The following KIF1A variants were observed in gnomAD, a reference collection of about 807,000 sequenced individuals.
KIF1A encodes the protein kinesin family member 1A.
KIF1A carries 46 observed loss-of-function variants against 227.3 expected under a neutral mutation model. The observed-to-expected ratio is 0.20, with a 90% CI of 0.16 to 0.26. The LOEUF (loss-of-function observed/expected upper bound fraction) is 0.26. Ranked by LOEUF, KIF1A falls within the 10% of genes least tolerant of loss-of-function variation. The probability of loss-of-function intolerance (pLI) is 1.00; values close to 1 mark genes in which losing one functional copy is unlikely to be tolerated. For missense variants in KIF1A, 1,683 were observed against 2,485.9 expected, an observed-to-expected ratio of 0.68 and a Z score of 6.87; for synonymous variants, 1,022 against 1,012.8, an observed-to-expected ratio of 1.01 and a Z score of -0.17.
chr2:240,782,557 G>A (rs1372038720), intron 10 of KIF1A, 33 bp downstream of exon 10: 4 of 1,550,140 alleles, frequency 2.6e-6, no homozygotes, highest in South Asian at 2.4e-5. Context: ...CCAGCCTCCC[G>A]CACCTGCCCC....
chr2:240,780,491 A>G (rs2053510970), intron 10 of KIF1A, among the ~76,000 whole-genome samples: 1 of 151,920 alleles, frequency 6.6e-6, no homozygotes, highest in Admixed American at 6.6e-5. Flanking sequence ...TTCCCCACGC[A>G]ATTCCTCACA....
chr2:240,817,210 G>A (rs1433971313), intron 1 of KIF1A, among the ~76,000 whole-genome samples: 2 of 152,226 alleles, frequency 1.3e-5, no homozygotes, highest in Admixed American at 1.3e-4. Context: ...CTGCCTGGCT[G>A]TGTCCCTGGG....
At chr2:240,807,096 GTGT>G (rs2057470438) in intron 1 of KIF1A, among the ~76,000 whole-genome samples, 1 of 94,808 alleles carries the variant, frequency 1.1e-5, no homozygotes, top group Non-Finnish European at 2.1e-5. Context: ...GTGTGTGTGT[GTGT>G]GTGTGTGTGT....
Position 240,723,426 on chromosome 2 carries a change from C to T in KIF1A, c.4451G>A (p.Ser1484Asn). ...LDHQWELEKL[S>N]LLQEVEKTRH... is the part of the protein sequence containing the mutation. The stretch of plus-strand genomic sequence containing the variant: ...AGGCTGCCTCACCTCCTGCAGGAGG[C>T]TCAGCTTCTCCAGCTCCCACTGGTG... The change falls in exon 42 of 49, where the codon AGC (serine) becomes AAC (asparagine). Residue 1484 changes from serine (S) to asparagine (N), a missense_variant. Physicochemically the swap from Ser to Asn is conservative, Grantham distance 46. This residue lies in a region of KIF1A where 759 missense variants were observed against 1,020.2 expected (regional missense o/e 0.74). Transcript: ENST00000498729. 1.9e-6 allele frequency: 3 copies of T among 1,549,450 alleles called. No homozygotes were observed. The highest frequency in any genetic ancestry group is 1.7e-6 in the Non-Finnish European group (2 of 1,146,188).
intron 48 of KIF1A, among the ~76,000 whole-genome samples, chr2:240,717,701 G>A (rs1018309616): frequency 2.0e-5 from 3 of 152,222 alleles, no homozygotes; most frequent in Non-Finnish European, 4.4e-5. Context: ...GGGTTAGGAT[G>A]TAATTTTGAA....
intron 1 of KIF1A, among the ~76,000 whole-genome samples, chr2:240,805,968 C>T (rs1286420673): frequency 1.3e-5 from 2 of 152,190 alleles, no homozygotes; most frequent in Non-Finnish European, 2.9e-5. Context: ...CCAGCCATGA[C>T]AGAGTCCCAG....
intron 17 of KIF1A, among the ~76,000 whole-genome samples, 181 bp downstream of exon 17, chr2:240,768,952 G>T (rs934637881): frequency 2.6e-5 from 4 of 152,350 alleles, no homozygotes; most frequent in Admixed American, 1.3e-4. Context: ...AGAATGTGGG[G>T]ACAGAATTCT....
Position 240,767,348 on chromosome 2 carries a change from G to T in KIF1A, c.1498-3C>A, listed in dbSNP as rs1191854158. 1.9e-6 allele frequency: 3 copies of T among 1,611,672 alleles called. No individual in the cohort carries two copies. Among genetic ancestry groups the T allele is most frequent in the Admixed American group, 1.7e-5 (1 of 59,994 alleles). On this transcript the variant is annotated splice_region_variant and splice_polypyrimidine_tract_variant and intron_variant, in intron 17 of 48. Coordinates refer to ENST00000498729, the MANE Select transcript of KIF1A (RefSeq NM_001244008.2). The stretch of plus-strand genomic sequence containing the variant: ...TTCAGGTTGACGAGGTGTGGTGTCT[G>T]CAGGGAGACAGGAGGATCATCTCTC...
chr2:240,784,558 C>T lies in KIF1A; in HGVS notation c.720+431G>A, dbSNP rs76931949. Reference sequence around the variant, plus strand: ...ACCATCAGGGACTGAGCAGCCCTCACTCCACCCAGCCCCTTTGCGCTCCCC... The same window carrying T: ...ACCATCAGGGACTGAGCAGCCCTCATTCCACCCAGCCCCTTTGCGCTCCCC... On this transcript the variant is annotated intron_variant, in intron 7 of 48. Coordinates refer to ENST00000498729, the MANE Select transcript of KIF1A (RefSeq NM_001244008.2). Among the ~76,000 whole-genome samples, 774 of 152,340 alleles carry T rather than the reference C, an allele frequency of 5.1e-3. 1 individual carries two copies. Among genetic ancestry groups the T allele is most frequent in the Middle Eastern group, 0.01 (3 of 294 alleles).
chr2:240,762,977 T>TGGGTGGGGGCTGGGCAGGGA, intron 22 of KIF1A, 42 bp downstream of exon 22: 1 of 804,384 alleles, frequency 1.2e-6, no homozygotes, highest in Non-Finnish European at 1.6e-6. Context: ...TCCCCTGGTG[T>TGGGTGGGGGCTGGGCAGGGA]GGGTGGGGGC....
chr2:240,805,469 C>T (rs1414531604), intron 1 of KIF1A, among the ~76,000 whole-genome samples: 1 of 151,604 alleles, frequency 6.6e-6, no homozygotes, highest in Non-Finnish European at 1.5e-5. Context: ...CAAAATGATC[C>T]CAGAAAGAAA....
At position 240,726,820 on chromosome 2, in the gene KIF1A, C is replaced by T. The variant is rs1325082200; in HGVS notation, c.4122+6G>A. 1.0e-5 allele frequency: 16 copies of T among 1,581,822 alleles called. No homozygotes were observed. The highest frequency in any genetic ancestry group is 1.3e-5 in the African/African-American group (1 of 74,234). ...TTGGTGGAGTGCCCTGGCATAGGTG[C>T]CTTGCCTCGATATAAGCGGAGAGTG... On this transcript the variant is annotated splice_donor_region_variant and intron_variant, in intron 39 of 48. Coordinates refer to ENST00000498729, the MANE Select transcript of KIF1A (RefSeq NM_001244008.2). The surrounding 1 kb of genome is among the most constrained non-coding windows in gnomAD (Gnocchi z 5.2).
rs926450732 is a variant in KIF1A, at chr2:240,757,849, C to T, written c.2583-255G>A. 3.9e-5 allele frequency among the ~76,000 whole-genome samples: 6 copies of T among 152,154 alleles called. No homozygotes were observed. The highest frequency in any genetic ancestry group is 5.9e-5 in the Non-Finnish European group (4 of 68,026). ...CAGGTGGGACTGAGAACAGGGGTCT[C>T]GGCTGGGAGTGGCTGAGGCCATATG... On this transcript the variant is annotated intron_variant, in intron 26 of 48. Coordinates refer to ENST00000498729, the MANE Select transcript of KIF1A (RefSeq NM_001244008.2). This position sits in a 1 kb window ranked among gnomAD's most constrained non-coding sequence, Gnocchi z 6.2.
In KIF1A at chr2:240,737,247, C is replaced by T. The variant is rs2047442101; in HGVS notation, c.3902-79G>A. 2.7e-6 allele frequency: 3 copies of T among 1,101,164 alleles called. No individual in the cohort carries two copies. The South Asian group carries it at 3.7e-5, about 14-fold the overall frequency. The allele number at this position is 1,101,164 out of a possible 1,614,324, so 68.2% of individuals were successfully genotyped here. A position where few individuals can be genotyped will look rare whatever the true frequency, so the allele number is the denominator to read the frequency against. ...TGGGGGGCTGCCTCAGGTGGGGGTCCTGTCAGCAAGCCAGCTCCCCACATG... is the reference window on the plus strand; with the variant it reads ...TGGGGGGCTGCCTCAGGTGGGGGTCTTGTCAGCAAGCCAGCTCCCCACATG... On this transcript the variant is annotated intron_variant, in intron 37 of 48. Transcript: ENST00000498729.
Position 240,775,618 on chromosome 2 carries a change from A to T in KIF1A, c.958+233T>A, listed in dbSNP as rs1575607083. 6.6e-6 allele frequency among the ~76,000 whole-genome samples: 1 copy of T among 151,682 alleles called. No individual in the cohort carries two copies. Among genetic ancestry groups the T allele is most frequent in the African/African-American group, 2.4e-5 (1 of 41,236 alleles). On this transcript the variant is annotated intron_variant, in intron 11 of 48. Coordinates refer to ENST00000498729, the MANE Select transcript of KIF1A (RefSeq NM_001244008.2). This position sits in a 1 kb window ranked among gnomAD's most constrained non-coding sequence, Gnocchi z 5.5. Reference sequence around the variant, plus strand: ...GACACAGGCAGGTGTGTGCTGTGCCACCCCCTGGGCTGTCCTGGTTCCCAC... The same window carrying T: ...GACACAGGCAGGTGTGTGCTGTGCCTCCCCCTGGGCTGTCCTGGTTCCCAC...
In KIF1A at chr2:240,745,440, T is replaced by C; in HGVS notation, c.3452A>G (p.Tyr1151Cys). ...CCAGGAACGTACGTTCTGGACGTGG[T>C]AGAAGCCAAGTGGGGGGCCTCTGCC... ...NTGRGPPLGF[Y>C]HVQNIAVEVT... The change falls in exon 32 of 49, where the codon TAC (tyrosine) becomes TGC (cysteine). Residue 1151 changes from tyrosine (Y) to cysteine (C), a missense_variant. Coordinates refer to ENST00000498729, the MANE Select transcript of KIF1A (RefSeq NM_001244008.2). 1 of 1,613,250 alleles carries C rather than the reference T, an allele frequency of 6.2e-7. No individual in the cohort carries two copies. Among genetic ancestry groups the C allele is most frequent in the Non-Finnish European group, 8.5e-7 (1 of 1,179,434 alleles).
At position 240,740,186 on chromosome 2, in the gene KIF1A, G is replaced by A. The variant is rs1384187871; in HGVS notation, c.3817-44C>T. On this transcript the variant is annotated intron_variant, in intron 36 of 48. Transcript: ENST00000498729. The surrounding 1 kb of genome is among the most constrained non-coding windows in gnomAD (Gnocchi z 6.1). ...AGGATATGGTCAGACGGCTCAGGGG[G>A]CTACGTAGGGTGAGGGAGGGGGACA... is the stretch of plus-strand genomic sequence containing the variant. The A allele has an allele frequency of 6.3e-7, 1 of 1,577,014 alleles. No individual in the cohort carries two copies. Among genetic ancestry groups the A allele is most frequent in the Non-Finnish European group, 8.7e-7 (1 of 1,155,730 alleles).
chr2:240,740,257 G>A lies in KIF1A; in HGVS notation c.3816+41C>T, dbSNP rs1389128448. The A allele has an allele frequency of 2.5e-6, 4 of 1,586,780 alleles. No individual in the cohort carries two copies. The highest frequency in any genetic ancestry group is 1.7e-6 in the Non-Finnish European group (2 of 1,157,874). On this transcript the variant is annotated intron_variant, in intron 36 of 48. Transcript: ENST00000498729. This position sits in a 1 kb window ranked among gnomAD's most constrained non-coding sequence, Gnocchi z 6.1. ...AGAGGCTCACACCTGGTGGGGTGGGGGAGGGGACACAGGCAGGGTAGGGGC... is the reference window on the plus strand; with the variant it reads ...AGAGGCTCACACCTGGTGGGGTGGGAGAGGGGACACAGGCAGGGTAGGGGC...
At chr2:240,738,380 G>C (rs929706455) in intron 37 of KIF1A, among the ~76,000 whole-genome samples, 1 of 152,146 alleles carries the variant, frequency 6.6e-6, no homozygotes, top group African/African-American at 2.4e-5. Flanking sequence ...GTCTCTCCTC[G>C]ACTTTCATCC....
Sources: gnomAD v4.1 joint callset for allele counts (sites outside exome capture counted in the v4.1 genomes callset) on GRCh38, gnomAD v4.1.1 for gene constraint, gnomAD v4.1.1 regional missense constraint, Gnocchi (gnomAD v3.1) non-coding constraint, MANE v1.5 for transcripts, NCBI Gene and HGNC (gene_info 2026-07-23, HGNC 2026-07-21) for gene names.